The following GTF2H3 variants were observed in gnomAD, a reference collection of about 807,000 sequenced individuals.
The protein encoded by GTF2H3 is TFIIH basal transcription factor complex p34 subunit.
Under a neutral mutation model 51.1 loss-of-function variants are expected in GTF2H3, and 42 were observed. The observed-to-expected ratio is 0.82, with a 90% CI of 0.64 to 1.06. The LOEUF (loss-of-function observed/expected upper bound fraction) is 1.06, where lower values mean the gene tolerates loss of function less well. Among genes scored for constraint, GTF2H3 ranks in the 50% least tolerant of loss-of-function variants. The probability of loss-of-function intolerance (pLI) is 0.00; values close to 1 mark genes in which losing one functional copy is unlikely to be tolerated. For synonymous variants in GTF2H3, 123 were observed against 123.8 expected (o/e 0.99, Z 0.04); for missense variants, 326 against 366.1 (o/e 0.89, Z 0.89).
rs180811438 is a variant in GTF2H3, at chr12:123,643,734, T to C, written c.94-1721T>C. The stretch of plus-strand genomic sequence containing the variant: ...GTGTTGCAACTGGTTTTTTCCAGTT[T>C]GTAACTTGTTTTCTTTCACTTTTAT... On this transcript the variant is annotated intron_variant, in intron 2 of 12. Transcript: ENST00000543341. 2.6e-5 allele frequency among the ~76,000 whole-genome samples: 4 copies of C among 152,360 alleles called. No individual in the cohort carries two copies. In the East Asian group the frequency reaches 7.7e-4, roughly 29 times the overall value.
Position 123,648,144 on chromosome 12 carries a change from T to A in GTF2H3, c.364+18T>A. The A allele has an allele frequency of 6.5e-7, 1 of 1,542,936 alleles. No homozygotes were observed. Among genetic ancestry groups the A allele is most frequent in the South Asian group, 1.2e-5 (1 of 85,648 alleles). Reference sequence around the variant, plus strand: ...GACCAAAAGTAACAACTTTTAAACATTGTTATTTTGCAAATAGTGTTGATT... The same window carrying A: ...GACCAAAAGTAACAACTTTTAAACAATGTTATTTTGCAAATAGTGTTGATT... On this transcript the variant is annotated intron_variant, in intron 4 of 12. Transcript: ENST00000543341.
At chr12:123,634,906 G>C (rs1442776453) in intron 1 of GTF2H3, among the ~76,000 whole-genome samples, 1 of 152,240 alleles carries the variant, frequency 6.6e-6, no homozygotes, top group Non-Finnish European at 1.5e-5. Context: ...TTTTAAGCCA[G>C]AAAGTGTTAT....
At chr12:123,659,990 C>T in intron 11 of GTF2H3, 56 bp from the exon 12 acceptor site, 1 of 1,596,768 alleles carries the variant, frequency 6.3e-7, no homozygotes, top group Non-Finnish European at 8.5e-7. Flanking sequence ...AAAACAGTTT[C>T]TCAGCTGTGT....
Position 123,661,651 on chromosome 12 carries a change from A to AAAAAAAAAAAAT in GTF2H3, c.*1417_*1418insAAAAAAAAAATA. 7.0e-6 allele frequency: 1 copy of AAAAAAAAAAAAT among 143,686 alleles called. No individual in the cohort carries two copies. The highest frequency in any genetic ancestry group is 2.6e-5 in the African/African-American group (1 of 37,898). The allele number at this position is 143,686 out of a possible 1,614,324, so 8.9% of individuals were successfully genotyped here. A position where few individuals can be genotyped will look rare whatever the true frequency, so the allele number is the denominator to read the frequency against. ...GCGAGACTCTGTATCAAAAAAAAAA[A>AAAAAAAAAAAAT]AGATCGGGCACGTTGGCTCACGCCT... is the stretch of plus-strand genomic sequence containing the variant. On this transcript the variant is annotated 3_prime_UTR_variant, in exon 13 of 13. Transcript: ENST00000543341.
chr12:123,637,373 A>T (rs1214162255), intron 1 of GTF2H3, among the ~76,000 whole-genome samples: 1 of 151,948 alleles, frequency 6.6e-6, no homozygotes, highest in South Asian at 2.1e-4. Context: ...CCCATCTCTT[A>T]AAAAAAACCC....
Position 123,659,905 on chromosome 12 carries a change from T to G in GTF2H3, c.795T>G (p.Gly265=). The G allele has an allele frequency of 1.2e-6, 2 of 1,614,112 alleles. No individual in the cohort carries two copies. The highest frequency in any genetic ancestry group is 1.7e-6 in the Non-Finnish European group (2 of 1,180,014). The change falls in exon 11 of 13, where the codon GGT becomes GGG. Residue 265 remains glycine (G), a synonymous_variant. Coordinates refer to ENST00000543341, the MANE Select transcript of GTF2H3 (RefSeq NM_001516.5). ...GTCATCGAAATCTCATTGAAATTGG[T>G]TATGTCTGTTCTGTGTGTTTGTCAA... ...CFCHRNLIEI[G]YVCSVCLSIF...
At chr12:123,649,484 G>A in intron 4 of GTF2H3, 1 of 152,236 alleles carries the variant, frequency 6.6e-6, no homozygotes, top group East Asian at 1.9e-4. Flanking sequence ...CCCACGTTTA[G>A]AGCCACTGCT....
Position 123,652,711 on chromosome 12 carries a change from T to C in GTF2H3, c.462T>C (p.Asn154=). Residue 154 remains asparagine (N), a synonymous_variant, in exon 7 of 13, where the codon AAT becomes AAC. Transcript: ENST00000543341. ...TCTGCTTTTTTCTCTTTGTAGACAA[T>C]CAGGAAATGAAATCAAGGATATTGG... The part of the protein sequence containing the change: ...IHRMNKEVKD[N]QEMKSRILVI... 6.6e-7 allele frequency: 1 copy of C among 1,520,580 alleles called. No homozygotes were observed. Among genetic ancestry groups the C allele is most frequent in the Non-Finnish European group, 8.9e-7 (1 of 1,118,328 alleles). The allele number at this position is 1,520,580 out of a possible 1,614,324, so 94.2% of individuals were successfully genotyped here. A position where few individuals can be genotyped will look rare whatever the true frequency, so the allele number is the denominator to read the frequency against.
At chr12:123,658,416 T>TA (rs1955613234) in intron 9 of GTF2H3, among the ~76,000 whole-genome samples, 1 of 152,136 alleles carries the variant, frequency 6.6e-6, no homozygotes, top group Non-Finnish European at 1.5e-5. Flanking sequence ...CAGGGTTTTA[T>TA]ACTCTATTGG....
chr12:123,658,929 A>G (rs1338917550), intron 9 of GTF2H3, among the ~76,000 whole-genome samples: 3 of 152,226 alleles, frequency 2.0e-5, no homozygotes, highest in African/African-American at 7.2e-5. Flanking sequence ...AAGATCTGCA[A>G]ATGGCCAAGA....
intron 3 of GTF2H3, among the ~76,000 whole-genome samples, chr12:123,646,730 A>C (rs1424657904): frequency 6.6e-6 from 1 of 151,872 alleles, no homozygotes; most frequent in Non-Finnish European, 1.5e-5. Context: ...TCCTCGCTGC[A>C]TATTTTTTCT....
intron 2 of GTF2H3, among the ~76,000 whole-genome samples, chr12:123,644,174 T>C (rs1363966459): frequency 1.3e-5 from 2 of 152,008 alleles, no homozygotes; most frequent in Non-Finnish European, 2.9e-5. Flanking sequence ...AAACAGGCCA[T>C]ATTCCAGGAT....
At chr12:123,638,337 T>G (rs1955316359) in intron 1 of GTF2H3, among the ~76,000 whole-genome samples, 1 of 151,868 alleles carries the variant, frequency 6.6e-6, no homozygotes, top group Non-Finnish European at 1.5e-5. Context: ...TTTTTTTTTT[T>G]TTTGTATTTT....
At chr12:123,657,393 C>A (rs755101444) in intron 9 of GTF2H3, among the ~76,000 whole-genome samples, 5 of 152,168 alleles carry the variant, frequency 3.3e-5, no homozygotes, top group Non-Finnish European at 7.4e-5. Context: ...CAGTCCGGCC[C>A]CACCGCCCCC....
chr12:123,633,914 C>A, intron 1 of GTF2H3, 42 bp downstream of exon 1: 2 of 1,608,006 alleles, frequency 1.2e-6, no homozygotes, highest in Non-Finnish European at 1.7e-6. Context: ...CGGGGCTCGG[C>A]TGTCTCGGTC....
intron 1 of GTF2H3, among the ~76,000 whole-genome samples, chr12:123,638,517 A>G (rs1043302869): frequency 6.6e-6 from 1 of 151,918 alleles, no homozygotes; most frequent in Non-Finnish European, 1.5e-5. Flanking sequence ...GATATTGCCC[A>G]GGCTGGTCTT....
At chr12:123,646,805 GTT>G (rs34544204) in intron 3 of GTF2H3, among the ~76,000 whole-genome samples, 26 of 138,322 alleles carry the variant, frequency 1.9e-4, no homozygotes, top group Non-Finnish European at 2.2e-4. Flanking sequence ...ACCTGTCAAA[GTT>G]TTTTTTTTTT....
At chr12:123,654,887 T>C in intron 7 of GTF2H3, 37 bp from the exon 8 acceptor site, 1 of 1,431,442 alleles carries the variant, frequency 7.0e-7, no homozygotes, top group Non-Finnish European at 9.9e-7. Context: ...AGGACTGGCA[T>C]GTGCCTGGGT....
intron 2 of GTF2H3, among the ~76,000 whole-genome samples, chr12:123,640,409 T>C (rs1306865740): frequency 6.7e-6 from 1 of 150,124 alleles, no homozygotes; most frequent in Non-Finnish European, 1.5e-5. Flanking sequence ...CGATCTCGGC[T>C]CACTGCAACC....
Sources: allele counts gnomAD v4.1 joint callset (sites outside exome capture counted in the v4.1 genomes callset), GRCh38; gene constraint gnomAD v4.1.1; transcripts MANE v1.5; gene names NCBI Gene and HGNC (gene_info 2026-07-23, HGNC 2026-07-21).